Variants in MAPK8IP3 observed in about 807,000 individuals in gnomAD.
The protein encoded by MAPK8IP3 is C-Jun-amino-terminal kinase-interacting protein 3.
A neutral mutation model predicts 157.8 loss-of-function variants in MAPK8IP3; 49 were observed. The ratio of observed to expected loss-of-function variants is 0.31; its 90% confidence interval spans 0.25 to 0.39. The LOEUF (loss-of-function observed/expected upper bound fraction) is 0.39. Among genes scored for constraint, MAPK8IP3 ranks in the 10% least tolerant of loss-of-function variants. MAPK8IP3 has a pLI of 1.00. For synonymous variants in MAPK8IP3, 897 were observed against 777.7 expected (o/e 1.15, Z -2.55); for missense variants, 1,478 against 1,889.4 (o/e 0.78, Z 4.04).
At chr16:1,716,410 G>T (rs2038154866) in intron 1 of MAPK8IP3, among the ~76,000 whole-genome samples, 2 of 149,514 alleles carry the variant, frequency 1.3e-5, no homozygotes, top group Admixed American at 1.3e-4. Flanking sequence ...AGATTCTCCT[G>T]CCTCAGCCTC....
Position 1,765,961 on chromosome 16 carries a change from G to T in MAPK8IP3, c.2448G>T (p.Ala816=), listed in dbSNP as rs771740462. The T allele has an allele frequency of 1.2e-6, 2 of 1,609,908 alleles. No homozygotes were observed. The highest frequency in any genetic ancestry group is 2.2e-5 in the South Asian group (2 of 90,668). ...AHVLCISSIP[A]ASDSDYPPGE... is the part of the protein sequence containing the mutation. ...CTGACGGGCCGTCCCTCTCCCCAGC[G>T]GCCAGCGACAGCGACTACCCTCCCG... Residue 816 remains alanine, a splice_region_variant and synonymous_variant, in exon 21 of 32, where the codon GCG becomes GCT. Coordinates refer to ENST00000610761, the MANE Select transcript of MAPK8IP3 (RefSeq NM_001318852.2).
intron 8 of MAPK8IP3, among the ~76,000 whole-genome samples, chr16:1,755,292 G>A (rs984462213): frequency 1.3e-5 from 2 of 152,208 alleles, no homozygotes; most frequent in African/African-American, 4.8e-5. Flanking sequence ...GGTGTAAAAT[G>A]AAGTCTAAGC....
chr16:1,739,354 ATCCGTGTGAGCATCCGTGTGACCG>A (rs2040436344), intron 4 of MAPK8IP3, among the ~76,000 whole-genome samples: 5 of 113,822 alleles, frequency 4.4e-5, no homozygotes, highest in East Asian at 3.1e-4. Flanking sequence ...CCATGTGAGC[ATCCGTGTGAGCATCCGTGTGACCG>A]TCCGTGTGAG....
intron 8 of MAPK8IP3, among the ~76,000 whole-genome samples, chr16:1,750,914 G>A (rs1310421407): frequency 6.6e-6 from 1 of 152,142 alleles, no homozygotes; most frequent in Admixed American, 6.5e-5. Context: ...AGAGTGCTGG[G>A]ATTACAGGCG....
rs769154227 is a variant in MAPK8IP3 at position 1,741,286 on chromosome 16, C to A, written c.603-2046C>A. ...GACAAATCGGGAGGACGGGGTCAGT[C>A]GGCAAACGCTCACGAGCCTGAGGCC... On this transcript the variant is annotated intron_variant, in intron 4 of 31. Coordinates refer to ENST00000610761, the MANE Select transcript of MAPK8IP3 (RefSeq NM_001318852.2). The surrounding 1 kb of genome is among the most constrained non-coding windows in gnomAD (Gnocchi z 6.9). 2.0e-5 allele frequency among the ~76,000 whole-genome samples: 3 copies of A among 152,196 alleles called. No individual in the cohort carries two copies. The highest frequency in any genetic ancestry group is 4.4e-5 in the Non-Finnish European group (3 of 68,032).
At chr16:1,728,082 G>T (rs773827881) in intron 2 of MAPK8IP3, among the ~76,000 whole-genome samples, 1 of 152,238 alleles carries the variant, frequency 6.6e-6, no homozygotes, top group Non-Finnish European at 1.5e-5. Context: ...TTTGAACACA[G>T]CTGTGGAGGC....
intron 1 of MAPK8IP3, among the ~76,000 whole-genome samples, chr16:1,723,741 C>T (rs1274638092): frequency 1.3e-5 from 2 of 152,238 alleles, no homozygotes; most frequent in South Asian, 2.1e-4. Flanking sequence ...ACAGCTCCCT[C>T]TCTGGGCTGC....
At chr16:1,738,250 C>G (rs1295864694) in intron 4 of MAPK8IP3, among the ~76,000 whole-genome samples, 2 of 74,914 alleles carry the variant, frequency 2.7e-5, no homozygotes, top group African/African-American at 1.2e-4. Context: ...ATTTGAGCAT[C>G]CGTGTGAGCG....
chr16:1,763,901 G>C, intron 17 of MAPK8IP3, 118 bp downstream of exon 17: 1 of 1,006,408 alleles, frequency 9.9e-7, no homozygotes, highest in Non-Finnish European at 1.4e-6. Flanking sequence ...GGAGAGGACG[G>C]CGGGTGGGGC....
At chr16:1,738,135 T>TGA in intron 4 of MAPK8IP3, among the ~76,000 whole-genome samples, 1 of 87,660 alleles carries the variant, frequency 1.1e-5, no homozygotes, top group Non-Finnish European at 2.1e-5. Context: ...TGACTGTCCG[T>TGA]GTGTGTGACC....
intron 6 of MAPK8IP3, 42 bp from the exon 7 acceptor site, chr16:1,748,202 A>T (rs775298289): frequency 1.3e-6 from 2 of 1,481,992 alleles, no homozygotes; most frequent in South Asian, 2.3e-5. Flanking sequence ...AGAGGCTGCC[A>T]GACCCTCTCC....
At chr16:1,749,469 C>T (rs1404345151) in intron 8 of MAPK8IP3, among the ~76,000 whole-genome samples, 2 of 152,208 alleles carry the variant, frequency 1.3e-5, no homozygotes, top group African/African-American at 4.8e-5. Flanking sequence ...CCTCCGCAGA[C>T]AGCCCTGGCT....
At chr16:1,754,250 G>C (rs748473919) in intron 8 of MAPK8IP3, among the ~76,000 whole-genome samples, 2 of 152,046 alleles carry the variant, frequency 1.3e-5, no homozygotes, top group Non-Finnish European at 1.5e-5. Context: ...GCTGGGAGCT[G>C]TACCAGCTAT....
intron 1 of MAPK8IP3, among the ~76,000 whole-genome samples, chr16:1,709,437 A>G (rs914621710): frequency 6.6e-6 from 1 of 152,230 alleles, no homozygotes; most frequent in Non-Finnish European, 1.5e-5. Context: ...AGATCCAAGC[A>G]CCATCACTGG....
intron 8 of MAPK8IP3, 140 bp downstream of exon 8, chr16:1,748,860 G>A (rs748809161): frequency 3.8e-5 from 31 of 818,342 alleles, no homozygotes; most frequent in Admixed American, 6.9e-5. Context: ...GTTGAGTTGC[G>A]TTTCACATGG....
At chr16:1,728,395 C>T (rs780951143) in intron 2 of MAPK8IP3, among the ~76,000 whole-genome samples, 3 of 152,218 alleles carry the variant, frequency 2.0e-5, no homozygotes, top group Non-Finnish European at 2.9e-5. Context: ...CTTTGAATCC[C>T]GCCTCCTCCC....
At chr16:1,739,790 G>C (rs568390302) in intron 4 of MAPK8IP3, among the ~76,000 whole-genome samples, 1 of 122,886 alleles carries the variant, frequency 8.1e-6, no homozygotes, top group African/African-American at 3.2e-5. Flanking sequence ...GTCCATGTGA[G>C]CATCCGTGTG....
chr16:1,729,325 C>A, intron 3 of MAPK8IP3, 117 bp downstream of exon 3: 1 of 1,336,044 alleles, frequency 7.5e-7, no homozygotes, highest in Non-Finnish European at 1.1e-6. Context: ...CTAGCATTTG[C>A]TGCCAGGCTT....
At chr16:1,766,852 AG>A (rs1200203819) in intron 24 of MAPK8IP3, 49 bp downstream of exon 24, 6 of 1,611,714 alleles carry the variant, frequency 3.7e-6, no homozygotes, top group Non-Finnish European at 5.1e-6. Context: ...AACGGGGCGG[AG>A]GGGGCTGGCA....
Sources: allele counts gnomAD v4.1 joint callset (sites outside exome capture counted in the v4.1 genomes callset), GRCh38; gene constraint gnomAD v4.1.1; non-coding constraint Gnocchi (gnomAD v3.1); transcripts MANE v1.5; gene names NCBI Gene and HGNC (gene_info 2026-07-23, HGNC 2026-07-21).